Variants in NUP205 observed in about 807,000 individuals in gnomAD.
The protein encoded by NUP205 is nucleoporin 205, also known as nuclear pore complex protein Nup205.
NUP205 carries 76 observed loss-of-function variants against 253.8 expected under a neutral mutation model. That is an observed-to-expected ratio of 0.30 (90% CI 0.25 to 0.36). The LOEUF (loss-of-function observed/expected upper bound fraction) is 0.36, where lower values mean the gene tolerates loss of function less well. Ranked by LOEUF, NUP205 falls within the 10% of genes least tolerant of loss-of-function variation. The pLI is 1.00. For missense variants in NUP205, 2,162 were observed against 2,425.5 expected (o/e 0.89, Z 2.28); for synonymous variants, 832 against 850.1 (o/e 0.98, Z 0.37).
At chr7:135,624,759 G>A (rs1169595725) in intron 31 of NUP205, among the ~76,000 whole-genome samples, 3 of 152,158 alleles carry the variant, frequency 2.0e-5, no homozygotes, top group Non-Finnish European at 4.4e-5. Flanking sequence ...TGGGATACAG[G>A]GGTGAGCCAC....
intron 35 of NUP205, among the ~76,000 whole-genome samples, chr7:135,633,454 G>A (rs1328368292): frequency 6.6e-6 from 1 of 152,058 alleles, no homozygotes; most frequent in Non-Finnish European, 1.5e-5. Context: ...CATGTTGACT[G>A]TTTCCAAGCT....
At chr7:135,616,541 T>C (rs547329652) in intron 24 of NUP205, 114 bp from the exon 25 acceptor site, 55 of 525,770 alleles carry the variant, frequency 1.0e-4, no homozygotes, top group African/African-American at 7.7e-4. Context: ...CAGGGCTCTT[T>C]GATGTAGAAA....
chr7:135,564,696 C>G (rs549224152), intron 1 of NUP205, among the ~76,000 whole-genome samples: 3 of 149,982 alleles, frequency 2.0e-5, no homozygotes, highest in Admixed American at 6.7e-5. Context: ...CTTGCCTGGC[C>G]CTTTGATGCT....
rs780296337 is a variant in NUP205 at position 135,584,875 on chromosome 7, C to T, written c.1086C>T (p.Leu362=). 29 of 1,613,812 alleles carry T rather than the reference C, an allele frequency of 1.8e-5. No individual in the cohort carries two copies. Among genetic ancestry groups the T allele is most frequent in the African/African-American group, 1.7e-4 (13 of 74,920 alleles). The change falls in exon 8 of 43, where the codon CTC becomes CTT. Residue 362 remains leucine (L), a synonymous_variant. Transcript: ENST00000285968. ...AGGCAGATGAAGCAATGGCAGAACT[C>T]GCAATTGCTGACAACGTTTTCCTGT... is the stretch of plus-strand genomic sequence containing the variant. ...FTEADEAMAE[L]AIADNVFLFL...
intron 1 of NUP205, among the ~76,000 whole-genome samples, chr7:135,565,032 G>A (rs1361563050): frequency 1.3e-5 from 2 of 152,028 alleles, no homozygotes; most frequent in African/African-American, 4.8e-5. Flanking sequence ...GCCTCCCAAA[G>A]TACTGGCATT....
At chr7:135,647,030 G>A (rs1451359493) in intron 42 of NUP205, among the ~76,000 whole-genome samples, 1 of 152,186 alleles carries the variant, frequency 6.6e-6, no homozygotes, top group Non-Finnish European at 1.5e-5. Context: ...AAATCCCGCC[G>A]TCATAGACCA....
chr7:135,648,400 C>T lies in NUP205; in HGVS notation c.5887-4C>T, dbSNP rs1795054693. On this transcript the variant is annotated splice_region_variant and splice_polypyrimidine_tract_variant and intron_variant, in intron 42 of 42. Transcript: ENST00000285968. The stretch of plus-strand genomic sequence containing the variant: ...TAACAAAATGTCTTTTGTGTCACCG[C>T]TAGCTTCAGGCTGATGCAATCAACG... The T allele has an allele frequency of 2.6e-6, 4 of 1,562,620 alleles. No homozygotes were observed. In the African/African-American group the frequency reaches 5.6e-5, roughly 22 times the overall value.
intron 31 of NUP205, among the ~76,000 whole-genome samples, chr7:135,623,222 G>A (rs1794514115): frequency 6.6e-6 from 1 of 152,186 alleles, no homozygotes; most frequent in African/African-American, 2.4e-5. Context: ...GAGGTTGCTT[G>A]CGGTGAGCTG....
intron 1 of NUP205, among the ~76,000 whole-genome samples, chr7:135,566,798 C>T (rs563981344): frequency 2.0e-4 from 31 of 151,758 alleles, no homozygotes; most frequent in Non-Finnish European, 3.4e-4. Flanking sequence ...AGCGCAGTGG[C>T]GCAATCTCGG....
intron 28 of NUP205, among the ~76,000 whole-genome samples, 153 bp from the exon 29 acceptor site, chr7:135,619,270 A>G (rs909213775): frequency 6.6e-6 from 1 of 151,842 alleles, no homozygotes; most frequent in Non-Finnish European, 1.5e-5. Context: ...TGAGCCCAGG[A>G]GGTCAAGGCT....
intron 13 of NUP205, among the ~76,000 whole-genome samples, chr7:135,595,656 G>A (rs1192411273): frequency 6.6e-6 from 1 of 152,036 alleles, no homozygotes; most frequent in African/African-American, 2.4e-5. Context: ...GTACCCTGAG[G>A]GAATGTACCT....
At chr7:135,631,873 C>T (rs565083869) in intron 35 of NUP205, among the ~76,000 whole-genome samples, 1 of 152,008 alleles carries the variant, frequency 6.6e-6, no homozygotes, top group Non-Finnish European at 1.5e-5. Context: ...CCTCAGCCTC[C>T]CGAGCAGCTG....
rs1584686855 is a variant in NUP205, at chr7:135,630,582, T to A, written c.5059+112T>A. Reference sequence around the variant, plus strand: ...CTATATATGACTTATTTGAAATTGGTACTGCTAACAGAGCCTTTATTTATG... The same window carrying A: ...CTATATATGACTTATTTGAAATTGGAACTGCTAACAGAGCCTTTATTTATG... On this transcript the variant is annotated intron_variant, in intron 35 of 42. Transcript: ENST00000285968. The A allele has an allele frequency of 2.0e-5, 17 of 854,082 alleles. No individual in the cohort carries two copies. The East Asian group carries it at 5.8e-4, about 29-fold the overall frequency. The allele number at this position is 854,082 out of a possible 1,614,324, so 52.9% of individuals were successfully genotyped here.
chr7:135,622,000 C>G (rs1794478650), intron 30 of NUP205, among the ~76,000 whole-genome samples: 1 of 148,756 alleles, frequency 6.7e-6, no homozygotes, highest in Non-Finnish European at 1.5e-5. Context: ...GACGGGGTTT[C>G]ACCATGTTGG....
At chr7:135,617,322 C>A (rs1794383598) in intron 26 of NUP205, 75 bp downstream of exon 26, 2 of 1,369,432 alleles carry the variant, frequency 1.5e-6, no homozygotes, top group East Asian at 4.7e-5. Flanking sequence ...CAAATAGAAC[C>A]ATATAGGTTT....
chr7:135,594,685 C>T lies in NUP205; in HGVS notation c.1969C>T (p.Pro657Ser), dbSNP rs762345709. ...GACACTCGCAGCTTTTGGAAAATCT[C>T]CTGAAATTGCTGCTTCCCTCTGGCA... ...LKTLAAFGKS[P>S]EIAASLWQSL... The change falls in exon 13 of 43, where the codon CCT (proline) becomes TCT (serine). Residue 657 changes from proline to serine, a missense_variant. Physicochemically the swap from Pro to Ser is moderately conservative, Grantham distance 74. Around this residue, in one of 5 missense-constraint regions of NUP205, gnomAD observed 892 missense variants for 957.1 expected, o/e 0.93. Transcript: ENST00000285968. 1 of 1,613,772 alleles carries T rather than the reference C, an allele frequency of 6.2e-7. No individual in the cohort carries two copies. Among genetic ancestry groups the T allele is most frequent in the Admixed American group, 1.7e-5 (1 of 59,980 alleles).
intron 8 of NUP205, among the ~76,000 whole-genome samples, chr7:135,586,100 T>G (rs1806455084): frequency 6.6e-6 from 1 of 150,978 alleles, no homozygotes; most frequent in South Asian, 2.1e-4. Flanking sequence ...TTTTTGTGTT[T>G]ATATTATAAA....
intron 1 of NUP205, among the ~76,000 whole-genome samples, chr7:135,562,476 G>A (rs753442183): frequency 6.6e-6 from 1 of 151,544 alleles, no homozygotes; most frequent in Non-Finnish European, 1.5e-5. Context: ...GGGGTTATAG[G>A]CATGAGCAGA....
At chr7:135,611,853 A>G (rs1185001311) in intron 22 of NUP205, among the ~76,000 whole-genome samples, 1 of 152,068 alleles carries the variant, frequency 6.6e-6, no homozygotes, top group Non-Finnish European at 1.5e-5. Context: ...TGTGGGTCAC[A>G]CCTGTAATCC....
Sources: allele counts gnomAD v4.1 joint callset (sites outside exome capture counted in the v4.1 genomes callset), GRCh38; gene constraint gnomAD v4.1.1; regional missense constraint gnomAD v4.1.1; transcripts MANE v1.5; gene names NCBI Gene and HGNC (gene_info 2026-07-23, HGNC 2026-07-21).